The following HLX variants were observed in gnomAD, a reference collection of about 807,000 sequenced individuals.
HLX encodes the protein H2.0-like homeobox protein.
Under a neutral mutation model 27.7 loss-of-function variants are expected in HLX, and 6 were observed. The observed-to-expected ratio is 0.22, with a 90% CI of 0.12 to 0.43. The LOEUF is 0.43. Among genes scored for constraint, HLX ranks in the 20% least tolerant of loss-of-function variants. The pLI is 1.00. For missense variants in HLX, 666 were observed against 655.2 expected, an observed-to-expected ratio of 1.02 and a Z score of -0.18; for synonymous variants, 328 against 293.8, an observed-to-expected ratio of 1.12 and a Z score of -1.19.
Position 220,882,120 on chromosome 1 carries a change from C to A in HLX, c.773-44C>A, listed in dbSNP as rs1298013382. The A allele has an allele frequency of 1.9e-6, 3 of 1,592,418 alleles. No homozygotes were observed. In the South Asian group the frequency reaches 3.3e-5, roughly 18 times the overall value. ...GGCAGGTCAAGGACTGGACACTGAACGGCCCTCTTGTCTTTCTTCCCTCTG... is the reference window on the plus strand; with the variant it reads ...GGCAGGTCAAGGACTGGACACTGAAAGGCCCTCTTGTCTTTCTTCCCTCTG... On this transcript the variant is annotated intron_variant, in intron 2 of 3. Transcript: ENST00000366903.
chr1:220,879,510 T>G lies in HLX; in HGVS notation c.-348T>G. On this transcript the variant is annotated 5_prime_UTR_variant, in exon 1 of 4. Transcript: ENST00000366903. The stretch of plus-strand genomic sequence containing the variant: ...TGTTTTAAATTTAGCTCTTAGGGCT[T>G]AGCTATTTGGGTTTTCTTGCGGTGT... 2.7e-6 allele frequency: 1 copy of G among 365,402 alleles called. No homozygotes were observed. The highest frequency in any genetic ancestry group is 5.3e-5 in the East Asian group (1 of 19,026). 22.6% of individuals were successfully genotyped at this position (365,402 alleles called of 1,614,324 possible).
chr1:220,879,785 G>A lies in HLX; in HGVS notation c.-73G>A. The A allele has an allele frequency of 1.4e-6, 2 of 1,469,840 alleles. No individual in the cohort carries two copies. The highest frequency in any genetic ancestry group is 1.8e-6 in the Non-Finnish European group (2 of 1,118,266). 91.0% of individuals were successfully genotyped at this position (1,469,840 alleles called of 1,614,324 possible). A position where few individuals can be genotyped will look rare whatever the true frequency, so the allele number is the denominator to read the frequency against. On this transcript the variant is annotated 5_prime_UTR_variant, in exon 1 of 4. Transcript: ENST00000366903. The stretch of plus-strand genomic sequence containing the variant: ...GCTGCCGCCGCCTTCTCCGGGACTC[G>A]CGCGCCCCTCCCCGCGCGCCCACCC...
At chr1:220,881,665 C>A in intron 2 of HLX, 1 of 505,588 alleles carries the variant, frequency 2.0e-6, no homozygotes, top group Non-Finnish European at 3.6e-6. Context: ...AAAAATGCAG[C>A]ATCAATGTTG....
intron 1 of HLX, chr1:220,880,858 C>G: frequency 2.4e-6 from 1 of 411,972 alleles, no homozygotes; most frequent in Non-Finnish European, 4.4e-6. Flanking sequence ...ATAAACAAAA[C>G]CGCCTAGATG....
At chr1:220,882,465 C>T in intron 3 of HLX, 117 bp downstream of exon 3, 10 of 901,232 alleles carry the variant, frequency 1.1e-5, no homozygotes, top group South Asian at 1.1e-4. Flanking sequence ...AACGCAAGAT[C>T]TTGACTTTCA....
rs1674475317 is a variant in HLX at position 220,882,322 on chromosome 1, G to A, written c.931G>A (p.Ala311Thr). ...CAAGCCGGACCGAAAGCAGCTGGCG[G>A]CGATGCTGGGCCTCACGGACGCACA... ...VTKPDRKQLA[A>T]MLGLTDAQVK... is the part of the protein sequence containing the mutation. Residue 311 changes from alanine (A) to threonine (T), a missense_variant, in exon 3 of 4, where the codon GCG becomes ACG. Ala to Thr is a moderately conservative substitution (Grantham distance 58). Transcript: ENST00000366903. The A allele has an allele frequency of 6.2e-7, 1 of 1,614,122 alleles. No homozygotes were observed. The highest frequency in any genetic ancestry group is 8.5e-7 in the Non-Finnish European group (1 of 1,180,054).
At position 220,884,579 on chromosome 1, in the gene HLX, A is replaced by G; in HGVS notation, c.1342A>G (p.Ser448Gly). The change falls in exon 4 of 4, where the codon AGT becomes GGT. Residue 448 changes from serine (S) to glycine (G), a missense_variant. Ser to Gly is a moderately conservative substitution (Grantham distance 56). Coordinates refer to ENST00000366903, the MANE Select transcript of HLX (RefSeq NM_021958.4). The surrounding 1 kb of genome is among the most constrained non-coding windows in gnomAD (Gnocchi z 4.9). ...SASSLSSSST[S>G]AGCASSLGGG... ...CAGCAGTCTTAGTAGCAGCAGCACC[A>G]GTGCGGGTTGCGCCAGCAGCCTTGG... The G allele has an allele frequency of 4.4e-6, 7 of 1,608,128 alleles. No homozygotes were observed. The highest frequency in any genetic ancestry group is 1.1e-5 in the South Asian group (1 of 90,438).
In HLX at chr1:220,881,220, C is replaced by T. The variant is rs1213228280; in HGVS notation, c.619C>T (p.Arg207Trp). ...RDLTSLLTGGRPAGVHLSGLQ... is the reference protein window; with the variant it reads ...RDLTSLLTGGWPAGVHLSGLQ... ...TCTCACTTCCCTGCTAACCGGTGGG[C>T]GGCCCGCCGGGGTGCACCTCTCAGG... The change falls in exon 2 of 4, where the codon CGG becomes TGG. Residue 207 changes from arginine to tryptophan, a missense_variant. Coordinates refer to ENST00000366903, the MANE Select transcript of HLX (RefSeq NM_021958.4). 2.5e-6 allele frequency: 4 copies of T among 1,613,922 alleles called. No individual in the cohort carries two copies. The highest frequency in any genetic ancestry group is 2.2e-5 in the South Asian group (2 of 91,078).
intron 2 of HLX, 21 bp downstream of exon 2, chr1:220,881,394 A>G (rs1222078925): frequency 6.2e-7 from 1 of 1,601,410 alleles, no homozygotes; most frequent in Non-Finnish European, 8.6e-7. Flanking sequence ...ACTCCAGAGT[A>G]CTGCCTAACG....
chr1:220,880,054 G>C lies in HLX; in HGVS notation c.197G>C (p.Gly66Ala), dbSNP rs1194068110. ...GGGGCGGCCCCGGAGGGCCTGGCAG[G>C]GGCCTCGGCCGCCGCCCTCACCGCG... ...DLGAAPEGLA[G>A]ASAAALTAHL... The change falls in exon 1 of 4, where the codon GGG becomes GCG. Residue 66 changes from glycine (G) to alanine (A), a missense_variant. Coordinates refer to ENST00000366903, the MANE Select transcript of HLX (RefSeq NM_021958.4). 1 of 1,588,524 alleles carries C rather than the reference G, an allele frequency of 6.3e-7. No individual in the cohort carries two copies. The highest frequency in any genetic ancestry group is 8.5e-7 in the Non-Finnish European group (1 of 1,172,454).
intron 3 of HLX, chr1:220,883,848 A>T (rs1674509857): frequency 3.3e-6 from 1 of 303,086 alleles, no homozygotes; most frequent in Non-Finnish European, 6.2e-6. Context: ...GTCCTGGCAT[A>T]AAAAAATTAC....
intron 1 of HLX, chr1:220,880,871 C>T: frequency 2.4e-6 from 1 of 423,108 alleles, no homozygotes; most frequent in Non-Finnish European, 4.2e-6. Context: ...CCTAGATGAG[C>T]GGGCAGAGTG....
chr1:220,881,597 T>G, intron 2 of HLX: 7 of 575,478 alleles, frequency 1.2e-5, no homozygotes, highest in East Asian at 9.4e-5. Context: ...CCAGAAAGTG[T>G]GTGCGTGGAC....
In HLX at chr1:220,880,144, C is replaced by T; in HGVS notation, c.287C>T (p.Thr96Ile). Residue 96 changes from threonine to isoleucine, a missense_variant, in exon 1 of 4, where the codon ACC becomes ATC. Transcript: ENST00000366903. ...GCGGCCAGATCCCCGCTTCGACCCA[C>T]CCCAGTGGTGGCGCCCTCCGAAGTC... is the stretch of plus-strand genomic sequence containing the variant. Reference protein sequence around the residue: ...QAAARSPLRPTPVVAPSEVPA... With the variant: ...QAAARSPLRPIPVVAPSEVPA... 6.2e-7 allele frequency: 1 copy of T among 1,611,694 alleles called. No homozygotes were observed. Among genetic ancestry groups the T allele is most frequent in the Non-Finnish European group, 8.5e-7 (1 of 1,179,358 alleles).
At position 220,882,378 on chromosome 1, in the gene HLX, G is replaced by T. The variant is rs377555649; in HGVS notation, c.957+30G>T. Reference sequence around the variant, plus strand: ...GGCAGTTCTGGCTCCAGCGCACAGCGCCCTCGGGCGGGCAGCAGCGCACGG... The same window carrying T: ...GGCAGTTCTGGCTCCAGCGCACAGCTCCCTCGGGCGGGCAGCAGCGCACGG... On this transcript the variant is annotated intron_variant, in intron 3 of 3. Coordinates refer to ENST00000366903, the MANE Select transcript of HLX (RefSeq NM_021958.4). 4 of 1,608,584 alleles carry T rather than the reference G, an allele frequency of 2.5e-6. No individual in the cohort carries two copies. The African/African-American group carries it at 5.3e-5, about 22-fold the overall frequency.
In HLX at chr1:220,879,700, C is replaced by T; in HGVS notation, c.-158C>T. 8.4e-7 allele frequency: 1 copy of T among 1,194,474 alleles called. No individual in the cohort carries two copies. The highest frequency in any genetic ancestry group is 1.1e-6 in the Non-Finnish European group (1 of 901,882). The allele number at this position is 1,194,474 out of a possible 1,614,324, so 74.0% of individuals were successfully genotyped here. A position where few individuals can be genotyped will look rare whatever the true frequency, so the allele number is the denominator to read the frequency against. On this transcript the variant is annotated 5_prime_UTR_variant, in exon 1 of 4. Transcript: ENST00000366903. ...GCCCTCGCCTCCTCCCTCGGTGGCG[C>T]TAGGGCTCCCGGCCTCTCTTCCTCA... is the stretch of plus-strand genomic sequence containing the variant.
In HLX at chr1:220,880,304, C is replaced by T; in HGVS notation, c.447C>T (p.Pro149=). The T allele has an allele frequency of 6.2e-7, 1 of 1,613,432 alleles. No homozygotes were observed. The highest frequency in any genetic ancestry group is 8.5e-7 in the Non-Finnish European group (1 of 1,179,608). The change falls in exon 1 of 4, where the codon CCC becomes CCT. Residue 149 remains proline, a synonymous_variant. Coordinates refer to ENST00000366903, the MANE Select transcript of HLX (RefSeq NM_021958.4). ...CGCCCCGGGCTGGCGCCCTGCAGCCCCCGGCCTCGGGGACGCGAGTGGTTC... is the reference window on the plus strand; with the variant it reads ...CGCCCCGGGCTGGCGCCCTGCAGCCTCCGGCCTCGGGGACGCGAGTGGTTC... ...PPPPRAGALQ[P]PASGTRVVPN...
rs1571711244 is a variant in HLX, at chr1:220,879,638, G to T, written c.-220G>T. ...GCGGGCGCCGCGCCGCCTTTAAAGC[G>T]AGGCCAGGGAGCGAGGCGGTGACCG... On this transcript the variant is annotated 5_prime_UTR_variant, in exon 1 of 4. Coordinates refer to ENST00000366903, the MANE Select transcript of HLX (RefSeq NM_021958.4). 8.7e-6 allele frequency: 6 copies of T among 693,440 alleles called. No homozygotes were observed. The East Asian group carries it at 1.7e-4, about 19-fold the overall frequency. The allele number at this position is 693,440 out of a possible 1,614,324, so 43.0% of individuals were successfully genotyped here.
chr1:220,880,321 G>T lies in HLX; in HGVS notation c.464G>T (p.Arg155Leu), dbSNP rs775906170. Residue 155 changes from arginine to leucine, a missense_variant, in exon 1 of 4, where the codon CGA becomes CTA. Coordinates refer to ENST00000366903, the MANE Select transcript of HLX (RefSeq NM_021958.4). ...CTGCAGCCCCCGGCCTCGGGGACGC[G>T]AGTGGTTCCGAACCCCCACCACAGT... is the stretch of plus-strand genomic sequence containing the variant. ...GALQPPASGT[R>L]VVPNPHHSGS... is the part of the protein sequence containing the mutation. The T allele has an allele frequency of 1.4e-5, 22 of 1,613,716 alleles. No individual in the cohort carries two copies. In the South Asian group the frequency reaches 2.0e-4, roughly 14 times the overall value.
Sources: allele counts gnomAD v4.1 joint callset, GRCh38; gene constraint gnomAD v4.1.1; non-coding constraint Gnocchi (gnomAD v3.1); transcripts MANE v1.5; gene names NCBI Gene and HGNC (gene_info 2026-07-23, HGNC 2026-07-21).